Variants in NPNT observed in about 807,000 individuals in gnomAD.
NPNT encodes nephronectin, also known as preosteoblast EGF-like repeat protein with MAM domain.
In NPNT, 45 loss-of-function variants were observed where a neutral mutation model predicts 68.6. That is an observed-to-expected ratio of 0.66 (90% CI 0.52 to 0.84). The LOEUF is 0.84. Among genes scored for constraint, NPNT ranks in the 40% least tolerant of loss-of-function variants. NPNT has a pLI of 0.00. For missense variants in NPNT, 672 were observed against 714.8 expected (o/e 0.94, Z 0.68); for synonymous variants, 233 against 253.3 (o/e 0.92, Z 0.76).
At chr4:105,907,344 T>A (rs1726985411) in intron 2 of NPNT, among the ~76,000 whole-genome samples, 1 of 152,182 alleles carries the variant, frequency 6.6e-6, no homozygotes, top group Non-Finnish European at 1.5e-5. Flanking sequence ...TATGACTCAA[T>A]GCATATTCTG....
At chr4:105,922,209 A>G (rs1315542789) in intron 2 of NPNT, among the ~76,000 whole-genome samples, 2 of 151,774 alleles carry the variant, frequency 1.3e-5, no homozygotes, top group Non-Finnish European at 2.9e-5. Context: ...ATCTCAACAT[A>G]TCCTTAGTTT....
chr4:105,919,182 G>A (rs990733431), intron 2 of NPNT, among the ~76,000 whole-genome samples: 1 of 151,966 alleles, frequency 6.6e-6, no homozygotes, highest in Non-Finnish European at 1.5e-5. Flanking sequence ...ATCCACAGAA[G>A]AGTTGAAGCA....
At chr4:105,957,645 C>T (rs2149399680) in intron 8 of NPNT, among the ~76,000 whole-genome samples, 1 of 152,166 alleles carries the variant, frequency 6.6e-6, no homozygotes, top group Non-Finnish European at 1.5e-5. Flanking sequence ...GAGGGACAGA[C>T]ACATGTGTGT....
chr4:105,914,525 G>A (rs1727646867), intron 2 of NPNT, among the ~76,000 whole-genome samples: 1 of 141,122 alleles, frequency 7.1e-6, no homozygotes, highest in South Asian at 2.4e-4. Flanking sequence ...TTACCTGCAT[G>A]ATCCAGGACC....
chr4:105,911,169 A>G (rs532250314), intron 2 of NPNT, among the ~76,000 whole-genome samples: 41 of 152,204 alleles, frequency 2.7e-4, no homozygotes, highest in African/African-American at 9.4e-4. Context: ...ACATCAAGAT[A>G]TGGTGAGTTC....
chr4:105,942,136 T>TATATATATACATATAGAC (rs140603677), intron 7 of NPNT, among the ~76,000 whole-genome samples, 171 bp from the exon 8 acceptor site: 9 of 147,780 alleles, frequency 6.1e-5, no homozygotes, highest in African/African-American at 2.3e-4. Flanking sequence ...TATATATATA[T>TATATATATACATATAGAC]ACACACATAT....
At chr4:105,919,632 A>T (rs1728089079) in intron 2 of NPNT, among the ~76,000 whole-genome samples, 1 of 152,102 alleles carries the variant, frequency 6.6e-6, no homozygotes, top group African/African-American at 2.4e-5. Context: ...TGAAGAGTCC[A>T]TATCAATTGC....
At chr4:105,899,710 A>G (rs181199222) in intron 2 of NPNT, among the ~76,000 whole-genome samples, 1 of 152,338 alleles carries the variant, frequency 6.6e-6, no homozygotes, top group Admixed American at 6.5e-5. Flanking sequence ...AATCCCTTTC[A>G]ATTAAAAAGG....
chr4:105,949,241 A>G (rs746456602), intron 8 of NPNT, among the ~76,000 whole-genome samples: 31 of 152,200 alleles, frequency 2.0e-4, no homozygotes, highest in Non-Finnish European at 3.1e-4. Flanking sequence ...GCAAATCTCT[A>G]AGAGAGGCAT....
intron 8 of NPNT, among the ~76,000 whole-genome samples, chr4:105,945,479 C>G (rs1730310144): frequency 6.6e-6 from 1 of 152,154 alleles, no homozygotes; most frequent in Admixed American, 6.5e-5. Flanking sequence ...TACTCTCAGC[C>G]TTTCTTATCC....
rs1419826226 is a variant in NPNT at position 105,923,450 on chromosome 4, G to C, written c.173-3886G>C. ...ATCAAAAGGAAACCTTTGCTGTCTT[G>C]ATAATAAACACAGACTAAGTCCAGA... is the stretch of plus-strand genomic sequence containing the variant. On this transcript the variant is annotated intron_variant, in intron 2 of 11. Transcript: ENST00000379987. 2.0e-5 allele frequency among the ~76,000 whole-genome samples: 3 copies of C among 152,086 alleles called. No individual in the cohort carries two copies. The South Asian group carries it at 6.2e-4, about 32-fold the overall frequency.
rs2149372976 is a variant in NPNT, at chr4:105,940,058, T to C, written c.506-17T>C. 9 of 1,611,520 alleles carry C rather than the reference T, an allele frequency of 5.6e-6. No individual in the cohort carries two copies. The highest frequency in any genetic ancestry group is 7.6e-6 in the Non-Finnish European group (9 of 1,178,042). ...TACCCTTGCTCTTCCTAAAATGCTATTGACTTATGTTTCTAGATGTTGATG... is the reference window on the plus strand; with the variant it reads ...TACCCTTGCTCTTCCTAAAATGCTACTGACTTATGTTTCTAGATGTTGATG... On this transcript the variant is annotated splice_polypyrimidine_tract_variant and intron_variant, in intron 5 of 11. Coordinates refer to ENST00000379987, the MANE Select transcript of NPNT (RefSeq NM_001033047.3).
At chr4:105,909,137 C>T (rs1333747986) in intron 2 of NPNT, among the ~76,000 whole-genome samples, 1 of 152,020 alleles carries the variant, frequency 6.6e-6, no homozygotes, top group African/African-American at 2.4e-5. Flanking sequence ...AAAATCATAG[C>T]TTATGTTTAG....
At chr4:105,965,070 A>C (rs1732011514) in intron 10 of NPNT, among the ~76,000 whole-genome samples, 1 of 152,226 alleles carries the variant, frequency 6.6e-6, no homozygotes, top group South Asian at 2.1e-4. Flanking sequence ...ATTTAAAGGC[A>C]CCAACCACTA....
intron 8 of NPNT, among the ~76,000 whole-genome samples, chr4:105,946,115 G>A (rs567579498): frequency 5.3e-4 from 81 of 152,308 alleles, no homozygotes; most frequent in African/African-American, 1.9e-3. Context: ...GCCAGTCTGT[G>A]ATCTGGGGCA....
chr4:105,922,469 C>T (rs952979842), intron 2 of NPNT, among the ~76,000 whole-genome samples: 5 of 151,240 alleles, frequency 3.3e-5, no homozygotes, highest in African/African-American at 9.7e-5. Flanking sequence ...CTCACTGCAA[C>T]CTCTGCCTCC....
intron 11 of NPNT, among the ~76,000 whole-genome samples, chr4:105,968,117 C>CT (rs1232675261): frequency 6.6e-6 from 1 of 152,096 alleles, no homozygotes; most frequent in Non-Finnish European, 1.5e-5. Context: ...TTTGCTGGTG[C>CT]TTATGAAACT....
In NPNT at chr4:105,944,148, G is replaced by A. The variant is rs192489760; in HGVS notation, c.1159+1446G>A. Among the ~76,000 whole-genome samples the A allele has an allele frequency of 7.9e-5, 12 of 152,144 alleles. No homozygotes were observed. In the East Asian group the frequency reaches 2.3e-3, roughly 29 times the overall value. On this transcript the variant is annotated intron_variant, in intron 8 of 11. Coordinates refer to ENST00000379987, the MANE Select transcript of NPNT (RefSeq NM_001033047.3). ...TTTGGATAATCAATATAATTTTTAG[G>A]GGAATTAGATGGTAGCTCTCAAAAT...
chr4:105,949,567 C>G (rs1340992089), intron 8 of NPNT, among the ~76,000 whole-genome samples: 1 of 152,154 alleles, frequency 6.6e-6, no homozygotes, highest in African/African-American at 2.4e-5. Flanking sequence ...TAAAAAGCCA[C>G]TTTTCAAAGA....
Sources: allele counts gnomAD v4.1 joint callset (sites outside exome capture counted in the v4.1 genomes callset), GRCh38; gene constraint gnomAD v4.1.1; transcripts MANE v1.5; gene names NCBI Gene and HGNC (gene_info 2026-07-23, HGNC 2026-07-21).